TSPAN5: variants seen among roughly 807,000 people sequenced by gnomAD.
TSPAN5 encodes tetraspanin-5.
Under a neutral mutation model 37.1 loss-of-function variants are expected in TSPAN5, and 10 were observed. The observed-to-expected ratio is 0.27, with a 90% CI of 0.17 to 0.46. TSPAN5 has a LOEUF of 0.46. Among genes scored for constraint, TSPAN5 ranks in the 20% least tolerant of loss-of-function variants. TSPAN5 has a pLI of 1.00. For synonymous variants in TSPAN5, 110 were observed against 118.9 expected, an observed-to-expected ratio of 0.93 and a Z score of 0.48; for missense variants, 195 against 326.6, an observed-to-expected ratio of 0.60 and a Z score of 3.11.
chr4:98,486,985 C>T (rs550963300), intron 2 of TSPAN5, 101 bp from the exon 3 acceptor site: 12 of 1,212,102 alleles, frequency 9.9e-6, no homozygotes, highest in East Asian at 2.4e-5. Flanking sequence ...CCAAAGAAAA[C>T]CTTCAGAGGG....
At chr4:98,491,355 A>T (rs55924032) in intron 2 of TSPAN5, among the ~76,000 whole-genome samples, 1 of 151,792 alleles carries the variant, frequency 6.6e-6, no homozygotes, top group Non-Finnish European at 1.5e-5. Context: ...CTAGCAGGAG[A>T]AAAAAAACAG....
chr4:98,536,109 GT>G (rs1329497571), intron 1 of TSPAN5, among the ~76,000 whole-genome samples: 8 of 152,140 alleles, frequency 5.3e-5, no homozygotes, highest in Non-Finnish European at 5.9e-5. Context: ...GAGAAGAGGT[GT>G]TCTTGTTTTT....
intron 2 of TSPAN5, among the ~76,000 whole-genome samples, chr4:98,491,302 G>A (rs1753080383): frequency 6.6e-6 from 1 of 152,132 alleles, no homozygotes. Context: ...CCAATGGCCA[G>A]TATTTTTCCC....
intron 1 of TSPAN5, chr4:98,560,233 T>C (rs1181084471): frequency 2.0e-5 from 3 of 152,200 alleles, no homozygotes; most frequent in African/African-American, 7.2e-5. Context: ...TTATTAGCAA[T>C]GAAGAGAGTG....
chr4:98,490,372 T>G (rs1053389298), intron 2 of TSPAN5, among the ~76,000 whole-genome samples: 2 of 152,202 alleles, frequency 1.3e-5, no homozygotes, highest in Non-Finnish European at 2.9e-5. Context: ...TGGGTTTAAT[T>G]TGGAGGATAA....
intron 5 of TSPAN5, 89 bp from the exon 6 acceptor site, chr4:98,476,549 A>G: frequency 8.1e-7 from 1 of 1,241,386 alleles, no homozygotes; most frequent in Non-Finnish European, 1.2e-6. Flanking sequence ...GTTACGCATT[A>G]GTAATAAAAT....
chr4:98,530,748 C>A (rs1754063535), intron 1 of TSPAN5, among the ~76,000 whole-genome samples: 1 of 142,080 alleles, frequency 7.0e-6, no homozygotes, highest in Non-Finnish European at 1.6e-5. Context: ...CACACACACA[C>A]ACACATATTT....
intron 1 of TSPAN5, among the ~76,000 whole-genome samples, chr4:98,654,638 A>G (rs1757259732): frequency 6.6e-6 from 1 of 152,212 alleles, no homozygotes; most frequent in Admixed American, 6.5e-5. Context: ...GAATCTGTAC[A>G]AGATGTTGAC....
chr4:98,486,818 C>A lies in TSPAN5; in HGVS notation c.199G>T (p.Val67Leu), dbSNP rs1369397207. 6.2e-7 allele frequency: 1 copy of A among 1,614,050 alleles called. No individual in the cohort carries two copies. The highest frequency in any genetic ancestry group is 2.2e-5 in the East Asian group (1 of 44,864). Residue 67 changes from valine to leucine, a missense_variant, in exon 3 of 8, where the codon GTG (valine) becomes TTG (leucine). Coordinates refer to ENST00000305798, the MANE Select transcript of TSPAN5 (RefSeq NM_005723.4). The part of the protein sequence containing the change: ...GGFDPVWLFL[V>L]VGGVMFILGF... ...AAAATGAACATCACTCCTCCCACCA[C>A]AAGGAAGAGCCAAACTGGGTCAAAG...
intron 1 of TSPAN5, among the ~76,000 whole-genome samples, chr4:98,546,053 T>C (rs968706333): frequency 3.3e-5 from 5 of 152,156 alleles, no homozygotes; most frequent in African/African-American, 1.2e-4. Context: ...ATATTAATAA[T>C]GTATTAATAA....
At chr4:98,533,543 C>CATTTTTTTTTTTTTTTTTTT (rs1754149818) in intron 1 of TSPAN5, among the ~76,000 whole-genome samples, 1 of 58,582 alleles carries the variant, frequency 1.7e-5, no homozygotes, top group Non-Finnish European at 2.7e-5. Flanking sequence ...TCCCCTATAT[C>CATTTTTTTTTTTTTTTTTTT]TTTTTTTTTT....
chr4:98,533,939 T>TAA (rs1194318640), intron 1 of TSPAN5, among the ~76,000 whole-genome samples: 28 of 31,150 alleles, frequency 9.0e-4, no homozygotes, highest in Middle Eastern at 0.025. Context: ...TTGTTGATCT[T>TAA]AAAAAAAAAA....
intron 1 of TSPAN5, among the ~76,000 whole-genome samples, chr4:98,565,791 T>A (rs938426293): frequency 3.9e-5 from 6 of 152,152 alleles, no homozygotes; most frequent in Non-Finnish European, 5.9e-5. Context: ...TCCCTCCTTT[T>A]TCAGTGGCCT....
intron 1 of TSPAN5, among the ~76,000 whole-genome samples, chr4:98,598,179 G>A (rs1579019011): frequency 7.2e-6 from 1 of 138,654 alleles, no homozygotes; most frequent in East Asian, 2.1e-4. Context: ...CGCAATATTC[G>A]GGTGGGAGTG....
intron 1 of TSPAN5, among the ~76,000 whole-genome samples, chr4:98,620,050 A>C (rs1186326307): frequency 7.2e-5 from 11 of 152,200 alleles, no homozygotes; most frequent in Non-Finnish European, 1.3e-4. Context: ...GCAGTTTTTA[A>C]ACATGGCTGC....
intron 2 of TSPAN5, chr4:98,500,306 G>A (rs1753317098): frequency 6.6e-6 from 1 of 152,166 alleles, no homozygotes; most frequent in Admixed American, 6.5e-5. Context: ...AGGAAGAACT[G>A]GAGTGTTCTG....
chr4:98,625,734 AC>A (rs1287646148), intron 1 of TSPAN5, among the ~76,000 whole-genome samples: 1 of 152,160 alleles, frequency 6.6e-6, no homozygotes, highest in Admixed American at 6.5e-5. Context: ...TTATGAATGA[AC>A]CCTATTAGTA....
intron 1 of TSPAN5, among the ~76,000 whole-genome samples, chr4:98,607,030 A>G (rs1472725960): frequency 1.3e-5 from 2 of 152,132 alleles, no homozygotes; most frequent in East Asian, 1.9e-4. Context: ...AGTTGGGGGA[A>G]GGGAGCAGCC....
chr4:98,655,640 T>C (rs907322696), intron 1 of TSPAN5, among the ~76,000 whole-genome samples: 7 of 152,198 alleles, frequency 4.6e-5, no homozygotes, highest in Non-Finnish European at 1.0e-4. Flanking sequence ...TTCTTCATAA[T>C]TGTATGGGAG....
Sources: gnomAD v4.1 joint callset for allele counts (sites outside exome capture counted in the v4.1 genomes callset) on GRCh38, gnomAD v4.1.1 for gene constraint, MANE v1.5 for transcripts, NCBI Gene and HGNC (gene_info 2026-07-23, HGNC 2026-07-21) for gene names.